The following IL1RAPL1 variants were observed in gnomAD, a reference collection of about 807,000 sequenced individuals.
IL1RAPL1 encodes interleukin-1 receptor accessory protein-like 1.
IL1RAPL1 carries 3 observed loss-of-function variants against 48.4 expected under a neutral mutation model. That is an observed-to-expected ratio of 0.06 (90% CI 0.03 to 0.16). The LOEUF (loss-of-function observed/expected upper bound fraction) is 0.16. Ranked by LOEUF, IL1RAPL1 falls within the 10% of genes least tolerant of loss-of-function variation. The pLI is 1.00. For missense variants in IL1RAPL1, 349 were observed against 530.6 expected (o/e 0.66, Z 3.36); for synonymous variants, 185 against 187.7 (o/e 0.99, Z 0.12).
At chrX:29,483,392 T>C (rs1302484962) in intron 5 of IL1RAPL1, among the ~76,000 whole-genome samples, 2 of 111,580 alleles carry the variant, frequency 1.8e-5, no homozygotes, top group Non-Finnish European at 3.8e-5. Flanking sequence ...GGTACCCAGG[T>C]AGCCCGTGTG....
chrX:28,621,196 C>T (rs373442227), intron 1 of IL1RAPL1, among the ~76,000 whole-genome samples: 5 of 112,106 alleles, frequency 4.5e-5, no homozygotes, highest in East Asian at 2.8e-4. Context: ...ATCAAAGTTC[C>T]GTAAAAGCTC....
At chrX:29,578,478 T>C (rs1922846836) in intron 5 of IL1RAPL1, among the ~76,000 whole-genome samples, 1 of 112,087 alleles carries the variant, frequency 8.9e-6, no homozygotes, top group Non-Finnish European at 1.9e-5. Context: ...ACTATTTTGT[T>C]ATGATGATCA....
rs1312053032 is a variant in IL1RAPL1, at chrX:29,689,057, C to T, written c.778+20553C>T. On this transcript the variant is annotated intron_variant, in intron 6 of 10. Coordinates refer to ENST00000378993, the MANE Select transcript of IL1RAPL1 (RefSeq NM_014271.4). ...GTGAATTTTACAGTATTCAGTTGTT[C>T]TCGTACATTTGTCAAGAGTTGATTC... is the stretch of plus-strand genomic sequence containing the variant. 3.6e-5 allele frequency among the ~76,000 whole-genome samples: 4 copies of T among 111,238 alleles called. No individual in the cohort carries two copies. In the Admixed American group the frequency reaches 3.9e-4, roughly 11 times the overall value.
chrX:29,918,144 A>AATATATATATAT (rs748970921), intron 7 of IL1RAPL1, among the ~76,000 whole-genome samples: 41 of 23,716 alleles, frequency 1.7e-3, no homozygotes, highest in African/African-American at 2.9e-3. Flanking sequence ...AAAAAAAAAA[A>AATATATATATAT]ATATATATAT....
intron 1 of IL1RAPL1, among the ~76,000 whole-genome samples, chrX:28,679,191 A>T (rs987420064): frequency 8.9e-6 from 1 of 112,106 alleles, no homozygotes; most frequent in Non-Finnish European, 1.9e-5. Context: ...ATAATTAGCG[A>T]TGTTGAGCAA....
chrX:28,917,878 T>C (rs1355127513), intron 2 of IL1RAPL1, among the ~76,000 whole-genome samples: 1 of 112,342 alleles, frequency 8.9e-6, no homozygotes, highest in African/African-American at 3.2e-5. Context: ...ACTGAGCTAC[T>C]ATTTTTTAAG....
At chrX:29,179,662 G>A (rs1930103060) in intron 2 of IL1RAPL1, among the ~76,000 whole-genome samples, 2 of 111,804 alleles carry the variant, frequency 1.8e-5, no homozygotes, top group Admixed American at 1.9e-4. Flanking sequence ...TAAAGCTTTG[G>A]TAATCAACAT....
intron 5 of IL1RAPL1, among the ~76,000 whole-genome samples, chrX:29,450,313 A>C (rs777616489): frequency 8.9e-6 from 1 of 112,317 alleles, no homozygotes; most frequent in Admixed American, 9.5e-5. Context: ...GGATACACAC[A>C]TGTGGACACA....
Position 29,819,998 on chromosome X carries a change from A to G in IL1RAPL1, c.779-97466A>G, listed in dbSNP as rs186236489. Among the ~76,000 whole-genome samples, 169 of 106,861 alleles carry G rather than the reference A, an allele frequency of 1.6e-3. 1 individual carries two copies. Among genetic ancestry groups the G allele is most frequent in the Non-Finnish European group, 2.8e-3 (148 of 52,117 alleles). The allele number at this position is 106,861 out of a possible 115,157, so 92.8% of individuals were successfully genotyped here. ...ATACAATATTATATAAGTATATTATATAAACATTATTTTCATTTTATCTTC... is the reference window on the plus strand; with the variant it reads ...ATACAATATTATATAAGTATATTATGTAAACATTATTTTCATTTTATCTTC... On this transcript the variant is annotated intron_variant, in intron 6 of 10. Coordinates refer to ENST00000378993, the MANE Select transcript of IL1RAPL1 (RefSeq NM_014271.4).
intron 5 of IL1RAPL1, among the ~76,000 whole-genome samples, chrX:29,649,158 A>G (rs1925434259): frequency 8.9e-6 from 1 of 111,813 alleles, no homozygotes; most frequent in South Asian, 3.7e-4. Context: ...TTACTGCTGA[A>G]TTCTACCAAA....
chrX:28,854,196 C>A (rs918800247), intron 2 of IL1RAPL1, among the ~76,000 whole-genome samples: 1 of 111,290 alleles, frequency 9.0e-6, no homozygotes, highest in Non-Finnish European at 1.9e-5. Flanking sequence ...TAAGATCACA[C>A]TAGGAATATA....
intron 5 of IL1RAPL1, among the ~76,000 whole-genome samples, chrX:29,666,881 A>G (rs1405241143): frequency 1.8e-5 from 2 of 111,709 alleles, no homozygotes; most frequent in Non-Finnish European, 3.8e-5. Flanking sequence ...TGCTTTTGAA[A>G]TTCACTGAAA....
intron 6 of IL1RAPL1, among the ~76,000 whole-genome samples, chrX:29,755,176 T>C (rs776282232): frequency 8.9e-6 from 1 of 112,694 alleles, no homozygotes; most frequent in South Asian, 3.7e-4. Context: ...AGAGAGTCTT[T>C]TAGCAAGATG....
chrX:28,666,339 A>G (rs1359410179), intron 1 of IL1RAPL1, among the ~76,000 whole-genome samples: 1 of 111,840 alleles, frequency 8.9e-6, no homozygotes, highest in Non-Finnish European at 1.9e-5. Context: ...TTAACAAACA[A>G]TGTGATAAAT....
At chrX:28,686,767 T>C (rs1378591535) in intron 1 of IL1RAPL1, among the ~76,000 whole-genome samples, 1 of 112,180 alleles carries the variant, frequency 8.9e-6, no homozygotes, top group Non-Finnish European at 1.9e-5. Flanking sequence ...TTGACTCAGA[T>C]TTTCTCCTCA....
At chrX:28,879,118 T>A (rs1391402656) in intron 2 of IL1RAPL1, among the ~76,000 whole-genome samples, 5 of 111,964 alleles carry the variant, frequency 4.5e-5, no homozygotes, top group African/African-American at 1.6e-4. Context: ...TAATGAATTT[T>A]TATGGTTCTT....
At chrX:28,867,908 C>T (rs1218744043) in intron 2 of IL1RAPL1, among the ~76,000 whole-genome samples, 1 of 111,486 alleles carries the variant, frequency 9.0e-6, no homozygotes, top group African/African-American at 3.3e-5. Context: ...ATATACTAAA[C>T]TCAAGAGACA....
intron 5 of IL1RAPL1, among the ~76,000 whole-genome samples, chrX:29,542,123 C>G (rs1159509148): frequency 5.4e-5 from 6 of 110,958 alleles, no homozygotes; most frequent in African/African-American, 2.0e-4. Context: ...AACATCCAAG[C>G]TCAAAACACT....
At chrX:29,297,166 T>C (rs1932461889) in intron 3 of IL1RAPL1, among the ~76,000 whole-genome samples, 1 of 112,184 alleles carries the variant, frequency 8.9e-6, no homozygotes, top group Non-Finnish European at 1.9e-5. Context: ...TGTTTTATAT[T>C]GTTCTAAAGC....
Sources: allele counts gnomAD v4.1 joint callset (sites outside exome capture counted in the v4.1 genomes callset), GRCh38; gene constraint gnomAD v4.1.1; transcripts MANE v1.5; gene names NCBI Gene and HGNC (gene_info 2026-07-23, HGNC 2026-07-21).